NUP210: variants seen among roughly 807,000 people sequenced by gnomAD.
The protein encoded by NUP210 is nucleoporin 210, also known as nuclear pore membrane glycoprotein 210.
In NUP210, 151 loss-of-function variants were observed where a neutral mutation model predicts 196.0. That is an observed-to-expected ratio of 0.77 (90% CI 0.67 to 0.88). The LOEUF is 0.88. Among genes scored for constraint, NUP210 ranks in the 40% least tolerant of loss-of-function variants. NUP210 has a pLI of 0.00. For missense variants in NUP210, 2,314 were observed against 2,493.7 expected, an observed-to-expected ratio of 0.93 and a Z score of 1.53; for synonymous variants, 1,070 against 1,052.7, an observed-to-expected ratio of 1.02 and a Z score of -0.32.
At chr3:13,408,355 G>A (rs1443314338) in intron 1 of NUP210, among the ~76,000 whole-genome samples, 2 of 151,948 alleles carry the variant, frequency 1.3e-5, no homozygotes, top group Non-Finnish European at 2.9e-5. Context: ...TGGGTGTAAT[G>A]TTGGCCTCAT....
At chr3:13,382,062 T>C (rs1268588660) in intron 6 of NUP210, among the ~76,000 whole-genome samples, 2 of 152,230 alleles carry the variant, frequency 1.3e-5, no homozygotes, top group Non-Finnish European at 2.9e-5. Flanking sequence ...CTCTGACACA[T>C]GAACCTCAGC....
intron 1 of NUP210, among the ~76,000 whole-genome samples, chr3:13,401,259 C>CAAAAAAAAAAAAAAAAAAAA (rs71066952): frequency 4.8e-4 from 21 of 43,824 alleles, no homozygotes; most frequent in Non-Finnish European, 6.5e-4. Flanking sequence ...GACTCTGGCT[C>CAAAAAAAAAAAAAAAAAAAA]AAAAAAAAAA....
At chr3:13,406,353 G>T (rs755016347) in intron 1 of NUP210, among the ~76,000 whole-genome samples, 1 of 152,116 alleles carries the variant, frequency 6.6e-6, no homozygotes, top group Non-Finnish European at 1.5e-5. Context: ...GGTTGGCTGG[G>T]ACCCACCGTG....
intron 1 of NUP210, among the ~76,000 whole-genome samples, chr3:13,411,450 A>C (rs1033998139): frequency 5.3e-5 from 8 of 152,100 alleles, no homozygotes; most frequent in Admixed American, 4.6e-4. Context: ...TTACCAAAGG[A>C]GTTTTGTTTA....
At chr3:13,380,368 G>A (rs1182515128) in intron 6 of NUP210, among the ~76,000 whole-genome samples, 2 of 152,206 alleles carry the variant, frequency 1.3e-5, no homozygotes, top group Non-Finnish European at 2.9e-5. Context: ...GCTGAGCAGG[G>A]ATCAAGATGC....
chr3:13,385,557 A>G (rs1699244439), intron 6 of NUP210, among the ~76,000 whole-genome samples: 1 of 152,242 alleles, frequency 6.6e-6, no homozygotes, highest in African/African-American at 2.4e-5. Flanking sequence ...GCCTCCAATG[A>G]GAAACAGCCC....
intron 1 of NUP210, among the ~76,000 whole-genome samples, chr3:13,413,163 G>T (rs1700232473): frequency 6.6e-6 from 1 of 151,558 alleles, no homozygotes; most frequent in South Asian, 2.1e-4. Context: ...TACTCAGGAG[G>T]ATGAGGCAGA....
intron 26 of NUP210, 89 bp downstream of exon 26, chr3:13,337,748 A>C: frequency 8.3e-7 from 1 of 1,205,620 alleles, no homozygotes; most frequent in Non-Finnish European, 1.2e-6. Context: ...AGGCAGATGG[A>C]GGAGGTGGAG....
At position 13,389,188 on chromosome 3, in the gene NUP210, T is replaced by C. The variant is rs142012216; in HGVS notation, c.534-735A>G. Among the ~76,000 whole-genome samples, 112 of 152,348 alleles carry C rather than the reference T, an allele frequency of 7.4e-4. No individual in the cohort carries two copies. In the East Asian group the frequency reaches 0.021, roughly 28 times the overall value. On this transcript the variant is annotated intron_variant, in intron 4 of 39. Coordinates refer to ENST00000254508, the MANE Select transcript of NUP210 (RefSeq NM_024923.4). ...GTTACTCTAGGTGTCACACGCCAAA[T>C]TACAAATCCAGGACAATCCAGCTCC...
chr3:13,396,197 G>T (rs1025922731), intron 3 of NUP210, among the ~76,000 whole-genome samples: 2 of 152,138 alleles, frequency 1.3e-5, no homozygotes, highest in African/African-American at 4.8e-5. Context: ...GTAGAGGCCT[G>T]GGATGCTGCT....
intron 1 of NUP210, among the ~76,000 whole-genome samples, chr3:13,417,958 C>G (rs1700400903): frequency 6.6e-6 from 1 of 152,148 alleles, no homozygotes; most frequent in Non-Finnish European, 1.5e-5. Flanking sequence ...GAAAAAAGTA[C>G]AGCTATAGAA....
At chr3:13,378,817 C>T (rs1699010840) in intron 8 of NUP210, 95 bp downstream of exon 8, 1 of 936,488 alleles carries the variant, frequency 1.1e-6, no homozygotes, top group Non-Finnish European at 1.8e-6. Context: ...CAGAGGGAAG[C>T]ATTTTCTGTG....
chr3:13,390,589 C>T (rs573784225), intron 4 of NUP210, among the ~76,000 whole-genome samples: 20 of 152,340 alleles, frequency 1.3e-4, no homozygotes, highest in Admixed American at 3.3e-4. Context: ...GTGGCTCCCA[C>T]GAGACAGTGC....
chr3:13,385,950 A>G (rs1025666597), intron 6 of NUP210, among the ~76,000 whole-genome samples: 1 of 152,242 alleles, frequency 6.6e-6, no homozygotes, highest in African/African-American at 2.4e-5. Flanking sequence ...CCAGTTACAA[A>G]AAAATAAATA....
intron 1 of NUP210, among the ~76,000 whole-genome samples, chr3:13,418,495 G>C (rs555266351): frequency 2.9e-4 from 44 of 152,234 alleles, no homozygotes; most frequent in African/African-American, 1.0e-3. Flanking sequence ...TCAGCATTTT[G>C]GGAAGCTGAG....
At chr3:13,365,772 C>G (rs895937832) in intron 14 of NUP210, among the ~76,000 whole-genome samples, 174 bp downstream of exon 14, 1 of 152,266 alleles carries the variant, frequency 6.6e-6, no homozygotes, top group Non-Finnish European at 1.5e-5. Flanking sequence ...CAGGGAGGCT[C>G]TGCTCCTTCC....
chr3:13,417,590 C>T lies in NUP210; in HGVS notation c.167+2470G>A, dbSNP rs888453166. Among the ~76,000 whole-genome samples the T allele has an allele frequency of 7.2e-5, 11 of 152,182 alleles. 1 individual carries two copies. Among genetic ancestry groups the T allele is most frequent in the Admixed American group, 4.6e-4 (7 of 15,272 alleles). On this transcript the variant is annotated intron_variant, in intron 1 of 39. Coordinates refer to ENST00000254508, the MANE Select transcript of NUP210 (RefSeq NM_024923.4). ...AATCTCCAGAGCAGATTCTTCAAAA[C>T]TGCAGCAATAGACGACTACACTAGG...
chr3:13,362,600 T>G (rs1698407874), intron 14 of NUP210, among the ~76,000 whole-genome samples: 1 of 152,214 alleles, frequency 6.6e-6, no homozygotes, highest in South Asian at 2.1e-4. Context: ...TGACTTTGTT[T>G]TTGAATATGA....
chr3:13,322,217 C>T lies in NUP210; in HGVS notation c.4891G>A (p.Glu1631Lys). ...CCGAGAGCAGTGTCAAACTGTGGCT[C>T]CACGGTGAACACATCTTGAGATGGG... ...DFPSQDVFTV[E>K]PQFDTALGQY... The change falls in exon 35 of 40, where the codon GAG (glutamate) becomes AAG (lysine). Residue 1631 changes from glutamate to lysine, a missense_variant. Coordinates refer to ENST00000254508, the MANE Select transcript of NUP210 (RefSeq NM_024923.4). 1 of 1,614,234 alleles carries T rather than the reference C, an allele frequency of 6.2e-7. No homozygotes were observed. Among genetic ancestry groups the T allele is most frequent in the Non-Finnish European group, 8.5e-7 (1 of 1,180,040 alleles).
Sources: allele counts gnomAD v4.1 joint callset (sites outside exome capture counted in the v4.1 genomes callset), GRCh38; gene constraint gnomAD v4.1.1; transcripts MANE v1.5; gene names NCBI Gene and HGNC (gene_info 2026-07-23, HGNC 2026-07-21).